Variants in TMEM117 observed in about 807,000 individuals in gnomAD.
The protein encoded by TMEM117 is transmembrane protein 117.
TMEM117 carries 27 observed loss-of-function variants against 52.4 expected under a neutral mutation model. The ratio of observed to expected loss-of-function variants is 0.51; its 90% CI spans 0.38 to 0.71. The LOEUF is 0.71. Ranked by LOEUF, TMEM117 falls within the 30% of genes least tolerant of loss-of-function variation. The pLI is 0.00. For synonymous variants in TMEM117, 215 were observed against 206.3 expected, an observed-to-expected ratio of 1.04 and a Z score of -0.36; for missense variants, 556 against 630.5, an observed-to-expected ratio of 0.88 and a Z score of 1.26.
chr12:43,858,575 G>A (rs1329270267), intron 2 of TMEM117, among the ~76,000 whole-genome samples: 1 of 152,138 alleles, frequency 6.6e-6, no homozygotes, highest in Non-Finnish European at 1.5e-5. Context: ...TCATTTTCTT[G>A]GCTGGACTAT....
At chr12:44,047,888 C>G (rs1477046138) in intron 3 of TMEM117, among the ~76,000 whole-genome samples, 4 of 152,084 alleles carry the variant, frequency 2.6e-5, no homozygotes, top group Admixed American at 1.3e-4. Context: ...GTTATACTGA[C>G]CTAAAATAAG....
chr12:43,800,402 G>T, the TMEM117 span: 3 of 1,515,968 alleles, frequency 2.0e-6, no homozygotes, highest in South Asian at 3.5e-5. Flanking sequence ...CATTTTAATT[G>T]CAACATATAG....
At chr12:43,898,315 T>C (rs142960924) in intron 2 of TMEM117, among the ~76,000 whole-genome samples, 39 of 151,274 alleles carry the variant, frequency 2.6e-4, no homozygotes, top group African/African-American at 8.7e-4. Flanking sequence ...CCCTTTTAGG[T>C]ATTTTAGTGT....
intron 2 of TMEM117, among the ~76,000 whole-genome samples, chr12:43,885,032 A>G (rs1183878188): frequency 6.6e-6 from 1 of 152,158 alleles, no homozygotes; most frequent in African/African-American, 2.4e-5. Flanking sequence ...TTCTTTACTT[A>G]CTAATGTCTT....
At position 44,248,276 on chromosome 12, in the gene TMEM117, A is replaced by G. The variant is rs189030535; in HGVS notation, c.608+36889A>G. 3.4e-3 allele frequency among the ~76,000 whole-genome samples: 514 copies of G among 152,206 alleles called. 6 individuals carry two copies. Among genetic ancestry groups the G allele is most frequent in the African/African-American group, 0.011 (473 of 41,530 alleles). ...TGGGGAGGGTGCACCATTTACATAGACCAAACATGAATGATGCTTCCTGGA... is the reference window on the plus strand; with the variant it reads ...TGGGGAGGGTGCACCATTTACATAGGCCAAACATGAATGATGCTTCCTGGA... On this transcript the variant is annotated intron_variant, in intron 5 of 7. Transcript: ENST00000266534.
At chr12:43,830,715 T>C in the TMEM117 span, among the ~76,000 whole-genome samples, 1 of 152,054 alleles carries the variant, frequency 6.6e-6, no homozygotes, top group Non-Finnish European at 1.5e-5. Flanking sequence ...TAAAAAACTC[T>C]GTGGGACATG....
downstream of TMEM117, among the ~76,000 whole-genome samples, chr12:44,392,056 T>C (rs1029125341): frequency 6.6e-5 from 10 of 152,166 alleles, no homozygotes; most frequent in Non-Finnish European, 1.2e-4. Context: ...CGTTTAAACA[T>C]GTTTGTGTGC....
chr12:43,965,489 T>TGAGA (rs1945469634), intron 3 of TMEM117, among the ~76,000 whole-genome samples: 1 of 152,214 alleles, frequency 6.6e-6, no homozygotes, highest in Non-Finnish European at 1.5e-5. Flanking sequence ...CTCTTAGAGT[T>TGAGA]ACCCAGAAAG....
intron 4 of TMEM117, among the ~76,000 whole-genome samples, chr12:44,173,370 C>A (rs1328181346): frequency 6.6e-6 from 1 of 152,176 alleles, no homozygotes; most frequent in Non-Finnish European, 1.5e-5. Context: ...AGCCACCATG[C>A]CTGGCAACCT....
At chr12:44,318,118 A>T (rs950932695) in intron 6 of TMEM117, among the ~76,000 whole-genome samples, 3 of 152,176 alleles carry the variant, frequency 2.0e-5, no homozygotes, top group Admixed American at 6.5e-5. Flanking sequence ...AGGGGGCCGT[A>T]CTGCACCACA....
intron 6 of TMEM117, among the ~76,000 whole-genome samples, chr12:44,311,787 GTATATATATGTATATA>G (rs200940666): frequency 0.015 from 289 of 19,136 alleles, 5 homozygotes; most frequent in East Asian, 0.037. Context: ...GTGTATATAT[GTATATATATGTATATA>G]TGTATATATG....
At position 43,980,778 on chromosome 12, in the gene TMEM117, C is replaced by A. The variant is rs539354042; in HGVS notation, c.410+36436C>A. 8.5e-5 allele frequency among the ~76,000 whole-genome samples: 13 copies of A among 152,248 alleles called. No individual in the cohort carries two copies. The South Asian group carries it at 1.5e-3, about 17-fold the overall frequency. On this transcript the variant is annotated intron_variant, in intron 3 of 7. Transcript: ENST00000266534. ...CACAGGTATCCAGTGAAAGAGCAGG[C>A]TAGGGGACTGCTGGCATTAGGGGCT...
chr12:44,081,773 A>T (rs1366530472), intron 3 of TMEM117, among the ~76,000 whole-genome samples: 2 of 152,112 alleles, frequency 1.3e-5, no homozygotes, highest in South Asian at 4.1e-4. Flanking sequence ...AATCTCATCA[A>T]GCAAGTTATT....
intron 5 of TMEM117, among the ~76,000 whole-genome samples, chr12:44,277,007 A>C (rs1950521945): frequency 1.3e-5 from 2 of 151,996 alleles, no homozygotes. Flanking sequence ...TTTAGATATT[A>C]GGTAGCATTT....
At chr12:44,289,462 C>T (rs1261691277) in intron 5 of TMEM117, among the ~76,000 whole-genome samples, 6 of 151,620 alleles carry the variant, frequency 4.0e-5, no homozygotes, top group South Asian at 2.1e-4. Context: ...TTTGAAGAAC[C>T]TCCTTACTGT....
At chr12:44,169,886 C>G (rs1949020651) in intron 4 of TMEM117, among the ~76,000 whole-genome samples, 1 of 152,096 alleles carries the variant, frequency 6.6e-6, no homozygotes, top group Non-Finnish European at 1.5e-5. Context: ...GACAGCGTGG[C>G]CATTCCTCAA....
chr12:44,169,296 C>A (rs1052426121), intron 4 of TMEM117, among the ~76,000 whole-genome samples: 5 of 152,222 alleles, frequency 3.3e-5, no homozygotes, highest in Non-Finnish European at 7.3e-5. Context: ...ACTGCTTCCA[C>A]AATTGCTACC....
downstream of TMEM117, among the ~76,000 whole-genome samples, chr12:44,391,412 T>G (rs972324260): frequency 6.6e-6 from 1 of 152,146 alleles, no homozygotes; most frequent in East Asian, 1.9e-4. Flanking sequence ...GTTTAAAATG[T>G]TAAGAATTAT....
At chr12:44,003,810 T>C (rs924163786) in intron 3 of TMEM117, among the ~76,000 whole-genome samples, 27 of 152,198 alleles carry the variant, frequency 1.8e-4, no homozygotes, top group African/African-American at 6.5e-4. Context: ...TTACTGCCCA[T>C]GTCTCCATGG....
Sources: gnomAD v4.1 joint callset for allele counts (sites outside exome capture counted in the v4.1 genomes callset) on GRCh38, gnomAD v4.1.1 for gene constraint, MANE v1.5 for transcripts, NCBI Gene and HGNC (gene_info 2026-07-23, HGNC 2026-07-21) for gene names.